The following DIP2C variants were observed in gnomAD, a reference collection of about 807,000 sequenced individuals.
DIP2C encodes DIP2 acetate--CoA ligase C (putative).
In DIP2C, 33 loss-of-function variants were observed where a neutral mutation model predicts 192.4. The ratio of observed to expected loss-of-function variants is 0.17; its 90% CI spans 0.13 to 0.23. The LOEUF (loss-of-function observed/expected upper bound fraction) is 0.23, where lower values mean the gene tolerates loss of function less well. Ranked by LOEUF, DIP2C falls within the 10% of genes least tolerant of loss-of-function variation. DIP2C has a pLI of 1.00. For synonymous variants in DIP2C, 979 were observed against 864.1 expected, an observed-to-expected ratio of 1.13 and a Z score of -2.33; for missense variants, 1,537 against 2,110.1, an observed-to-expected ratio of 0.73 and a Z score of 5.32.
At position 567,151 on chromosome 10, in the gene DIP2C, C is replaced by T. The variant is rs944394552; in HGVS notation, c.86-80621G>A. Among the ~76,000 whole-genome samples the T allele has an allele frequency of 2.6e-5, 4 of 152,064 alleles. No homozygotes were observed. The South Asian group carries it at 8.3e-4, about 32-fold the overall frequency. ...GCTGCCAAATCAAATCCAACTCCGG[C>T]GGAAGGAGGACAGGCACCGGTTTTG... On this transcript the variant is annotated intron_variant, in intron 1 of 36. Transcript: ENST00000280886.
intron 24 of DIP2C, among the ~76,000 whole-genome samples, chr10:354,873 G>A (rs924457095): frequency 1.3e-5 from 2 of 151,820 alleles, no homozygotes; most frequent in African/African-American, 4.8e-5. Flanking sequence ...AGAAGTCACA[G>A]GCAGTTTACA....
chr10:421,091 C>G (rs1463708168), intron 5 of DIP2C, among the ~76,000 whole-genome samples: 1 of 152,128 alleles, frequency 6.6e-6, no homozygotes, highest in Non-Finnish European at 1.5e-5. Flanking sequence ...TTTGCCACTG[C>G]TTTTTTTCCA....
At chr10:458,482 AGC>A (rs975044649) in intron 3 of DIP2C, among the ~76,000 whole-genome samples, 5 of 152,314 alleles carry the variant, frequency 3.3e-5, no homozygotes, top group Admixed American at 1.3e-4. Context: ...CCTCACCGGC[AGC>A]GCGTGACAGA....
chr10:467,388 G>T (rs533940441), intron 3 of DIP2C, among the ~76,000 whole-genome samples: 1 of 148,566 alleles, frequency 6.7e-6, no homozygotes, highest in African/African-American at 2.5e-5. Flanking sequence ...TGGTGGGGTG[G>T]GGGGAGGTGG....
intron 10 of DIP2C, among the ~76,000 whole-genome samples, chr10:392,739 CA>C (rs1963576716): frequency 3.1e-5 from 1 of 31,868 alleles, no homozygotes; most frequent in Admixed American, 3.7e-4. Flanking sequence ...TACACACGCG[CA>C]CACACTCACA....
At chr10:419,529 C>T (rs868809224) in intron 5 of DIP2C, among the ~76,000 whole-genome samples, 1 of 152,164 alleles carries the variant, frequency 6.6e-6, no homozygotes, top group African/African-American at 2.4e-5. Context: ...ACGGAGGGGT[C>T]CTGTTTCCTG....
chr10:318,266 C>A (rs1403511990), intron 31 of DIP2C, among the ~76,000 whole-genome samples: 1 of 152,212 alleles, frequency 6.6e-6, no homozygotes, highest in African/African-American at 2.4e-5. Context: ...GCCCTTGTGG[C>A]TCTGTAGGAA....
chr10:376,716 T>C (rs1460700358), intron 17 of DIP2C, among the ~76,000 whole-genome samples: 2 of 152,150 alleles, frequency 1.3e-5, no homozygotes, highest in Non-Finnish European at 2.9e-5. Context: ...CTGCTTTCTT[T>C]CCTCTCTGGG....
At chr10:468,687 G>A (rs886530046) in intron 3 of DIP2C, among the ~76,000 whole-genome samples, 2 of 152,176 alleles carry the variant, frequency 1.3e-5, no homozygotes, top group Non-Finnish European at 2.9e-5. Context: ...TTGAACCCAC[G>A]AGGCAGAGTT....
chr10:298,386 C>T (rs1019756452), intron 32 of DIP2C, among the ~76,000 whole-genome samples: 10 of 152,176 alleles, frequency 6.6e-5, no homozygotes, highest in African/African-American at 1.9e-4. Flanking sequence ...CATATCAAAG[C>T]CCCCCTGCTC....
At chr10:286,370 C>A (rs748494466) in intron 33 of DIP2C, 23 bp from the exon 34 acceptor site, 1 of 1,607,314 alleles carries the variant, frequency 6.2e-7, no homozygotes, top group Admixed American at 1.7e-5. Context: ...GGAAAAGTCT[C>A]TTGTCAATGG....
At chr10:309,957 TG>T in intron 32 of DIP2C, 73 bp downstream of exon 32, 2 of 1,414,880 alleles carry the variant, frequency 1.4e-6, no homozygotes, top group South Asian at 2.4e-5. Context: ...TTCTTCTAGA[TG>T]GAGACCTGCA....
At chr10:530,135 G>A (rs533696060) in intron 1 of DIP2C, among the ~76,000 whole-genome samples, 8 of 152,336 alleles carry the variant, frequency 5.3e-5, no homozygotes, top group African/African-American at 1.2e-4. Context: ...ACATGCCACC[G>A]TGAGCCGGGC....
chr10:593,925 G>A (rs747234386), intron 1 of DIP2C, among the ~76,000 whole-genome samples: 2 of 143,364 alleles, frequency 1.4e-5, no homozygotes, highest in Admixed American at 6.7e-5. Context: ...AAGGGCCTCT[G>A]AATTTCAGAG....
chr10:603,334 C>CACAAAA (rs1491589258), intron 1 of DIP2C, among the ~76,000 whole-genome samples: 1 of 72,768 alleles, frequency 1.4e-5, no homozygotes, highest in African/African-American at 7.9e-5. Context: ...AAAAAAAAAA[C>CACAAAA]CAACCATGAG....
intron 1 of DIP2C, among the ~76,000 whole-genome samples, chr10:542,993 C>T (rs534107542): frequency 4.8e-4 from 73 of 152,316 alleles, no homozygotes; most frequent in Admixed American, 1.8e-3. Flanking sequence ...ATCCTCAGCA[C>T]CAGGAAAAGT....
chr10:309,313 C>T (rs114326050), intron 32 of DIP2C, among the ~76,000 whole-genome samples: 127 of 152,122 alleles, frequency 8.3e-4, no homozygotes, highest in African/African-American at 3.0e-3. Context: ...TCTCAGGGGG[C>T]GCTTAGGAGG....
chr10:385,869 G>C (rs895326608), intron 14 of DIP2C, among the ~76,000 whole-genome samples: 1 of 152,140 alleles, frequency 6.6e-6, no homozygotes, highest in African/African-American at 2.4e-5. Flanking sequence ...AAGCAAAAAA[G>C]CATGTGCCTT....
chr10:307,885 G>A (rs1956397927), intron 32 of DIP2C, among the ~76,000 whole-genome samples: 1 of 150,046 alleles, frequency 6.7e-6, no homozygotes, highest in Non-Finnish European at 1.5e-5. Context: ...TGCCTGGGCG[G>A]GGCCCGGCAC....
Sources: allele counts gnomAD v4.1 joint callset (sites outside exome capture counted in the v4.1 genomes callset), GRCh38; gene constraint gnomAD v4.1.1; transcripts MANE v1.5; gene names NCBI Gene and HGNC (gene_info 2026-07-23, HGNC 2026-07-21).